The following ADAMTSL1 variants were observed in gnomAD, a reference collection of about 807,000 sequenced individuals.
ADAMTSL1 encodes the protein ADAMTS-like protein 1.
Under a neutral mutation model 201.8 loss-of-function variants are expected in ADAMTSL1, and 126 were observed. The observed-to-expected ratio is 0.62, with a 90% CI of 0.54 to 0.72. ADAMTSL1 has a LOEUF of 0.72. ADAMTSL1 is among the 30% of genes least tolerant of loss of function. The pLI is 0.00. For missense variants in ADAMTSL1, 2,679 were observed against 2,277.8 expected (o/e 1.18, Z -3.59); for synonymous variants, 1,121 against 903.4 (o/e 1.24, Z -4.32).
At chr9:17,988,511 T>C (rs1469231106) in intron 1 of ADAMTSL1, among the ~76,000 whole-genome samples, 2 of 151,836 alleles carry the variant, frequency 1.3e-5, no homozygotes, top group Non-Finnish European at 2.9e-5. Flanking sequence ...CATGTGTTAT[T>C]AGTTATATAA....
At chr9:18,268,225 A>G (rs979601260) in intron 2 of ADAMTSL1, among the ~76,000 whole-genome samples, 1 of 152,192 alleles carries the variant, frequency 6.6e-6, no homozygotes, top group Non-Finnish European at 1.5e-5. Flanking sequence ...TCTATCATCT[A>G]TATCAAAAAT....
intron 3 of ADAMTSL1, among the ~76,000 whole-genome samples, chr9:18,564,449 C>G (rs1455572343): frequency 1.3e-5 from 2 of 152,148 alleles, no homozygotes; most frequent in African/African-American, 4.8e-5. Context: ...CAGAGCTGTT[C>G]CTATTCTGCC....
intron 2 of ADAMTSL1, among the ~76,000 whole-genome samples, chr9:18,294,095 A>T (rs981805626): frequency 3.3e-5 from 5 of 152,210 alleles, no homozygotes; most frequent in Middle Eastern, 3.2e-3. Context: ...TAAAACACAG[A>T]GGCATTACTG....
chr9:18,168,092 G>A (rs1208227317), intron 2 of ADAMTSL1, among the ~76,000 whole-genome samples: 1 of 151,762 alleles, frequency 6.6e-6, no homozygotes, highest in Non-Finnish European at 1.5e-5. Context: ...TTATTGATTA[G>A]TGACCATTAT....
chr9:18,323,172 A>C (rs532263235), intron 2 of ADAMTSL1, among the ~76,000 whole-genome samples: 1 of 152,352 alleles, frequency 6.6e-6, no homozygotes, highest in Middle Eastern at 3.4e-3. Flanking sequence ...GCAATATACT[A>C]AAAAAGATTA....
intron 2 of ADAMTSL1, among the ~76,000 whole-genome samples, chr9:18,413,388 C>T (rs981722074): frequency 1.3e-5 from 2 of 152,106 alleles, no homozygotes; most frequent in Non-Finnish European, 2.9e-5. Flanking sequence ...TGGTCTCAAA[C>T]TCCTGACCTC....
chr9:18,464,573 G>T lies in ADAMTSL1; in HGVS notation c.208-40256G>T, dbSNP rs549098619. ...ACTTTGAAAGTGTAGAATAGCCTTG[G>T]AAAATTTAATGAGTTATGACAGTCA... On this transcript the variant is annotated intron_variant, in intron 2 of 29. Transcript: ENST00000680146. 9.9e-5 allele frequency among the ~76,000 whole-genome samples: 15 copies of T among 152,238 alleles called. No individual in the cohort carries two copies. In the South Asian group the frequency reaches 3.1e-3, roughly 32 times the overall value.
At chr9:18,115,936 G>C (rs1556352) in intron 1 of ADAMTSL1, among the ~76,000 whole-genome samples, 1 of 151,910 alleles carries the variant, frequency 6.6e-6, no homozygotes, top group African/African-American at 2.4e-5. Flanking sequence ...ACAGTACTCA[G>C]AATGACTTTG....
chr9:18,705,798 A>G (rs1312268311), intron 13 of ADAMTSL1, among the ~76,000 whole-genome samples: 4 of 152,346 alleles, frequency 2.6e-5, no homozygotes, highest in East Asian at 1.9e-4. Flanking sequence ...GAGCCAGACT[A>G]AAAAAGAAAC....
chr9:18,082,307 G>A (rs1006035279), intron 1 of ADAMTSL1, among the ~76,000 whole-genome samples: 5 of 152,050 alleles, frequency 3.3e-5, no homozygotes, highest in Non-Finnish European at 4.4e-5. Context: ...GATTATTTCC[G>A]CTGACCTAGA....
chr9:18,820,374 A>T (rs1420286624), intron 21 of ADAMTSL1, among the ~76,000 whole-genome samples: 1 of 152,232 alleles, frequency 6.6e-6, no homozygotes, highest in Non-Finnish European at 1.5e-5. Flanking sequence ...TTTTCTTATT[A>T]TAAAATATTA....
At chr9:17,952,516 T>C (rs2131376312) in intron 1 of ADAMTSL1, among the ~76,000 whole-genome samples, 1 of 152,232 alleles carries the variant, frequency 6.6e-6, no homozygotes, top group East Asian at 1.9e-4. Flanking sequence ...CTCATACAAG[T>C]AGAGAATTGT....
intron 2 of ADAMTSL1, among the ~76,000 whole-genome samples, chr9:18,411,363 C>A (rs1818435919): frequency 6.6e-6 from 1 of 151,436 alleles, no homozygotes; most frequent in Non-Finnish European, 1.5e-5. Context: ...CCATGCCTGG[C>A]TAATTTTTGT....
intron 14 of ADAMTSL1, among the ~76,000 whole-genome samples, chr9:18,717,183 T>C (rs1672370313): frequency 6.6e-6 from 1 of 150,576 alleles, no homozygotes; most frequent in African/African-American, 2.4e-5. Context: ...CATGTATACC[T>C]ATGTAACTAA....
chr9:18,720,121 A>T (rs112162517), intron 14 of ADAMTSL1, among the ~76,000 whole-genome samples: 1,735 of 152,294 alleles, frequency 0.011, 11 homozygotes, highest in Middle Eastern at 0.031. Context: ...AGCTCTGCTG[A>T]AATGATTCCA....
At chr9:18,113,145 G>A (rs2131888498) in intron 1 of ADAMTSL1, among the ~76,000 whole-genome samples, 1 of 152,256 alleles carries the variant, frequency 6.6e-6, no homozygotes, top group African/African-American at 2.4e-5. Flanking sequence ...GATACGATGG[G>A]ATTGTGAAAA....
At chr9:18,093,077 A>T (rs1338188011) in intron 1 of ADAMTSL1, among the ~76,000 whole-genome samples, 5 of 152,206 alleles carry the variant, frequency 3.3e-5, no homozygotes, top group Non-Finnish European at 7.4e-5. Context: ...TGAGATTGGC[A>T]GTTAATGGTC....
At chr9:18,684,593 A>G in intron 12 of ADAMTSL1, 123 bp from the exon 13 acceptor site, 5 of 1,084,482 alleles carry the variant, frequency 4.6e-6, no homozygotes, top group Non-Finnish European at 6.2e-6. Flanking sequence ...GCAGCAATTT[A>G]CCCAAAAACT....
At chr9:18,453,797 A>G (rs185991074) in intron 2 of ADAMTSL1, among the ~76,000 whole-genome samples, 2 of 152,316 alleles carry the variant, frequency 1.3e-5, no homozygotes, top group Admixed American at 6.5e-5. Flanking sequence ...CTCTGTAAAC[A>G]GTTCATTCCA....
Sources: gnomAD v4.1 joint callset for allele counts (sites outside exome capture counted in the v4.1 genomes callset) on GRCh38, gnomAD v4.1.1 for gene constraint, MANE v1.5 for transcripts, NCBI Gene and HGNC (gene_info 2026-07-23, HGNC 2026-07-21) for gene names.